The following KIAA1217 variants were observed in gnomAD, a reference collection of about 807,000 sequenced individuals.
KIAA1217 encodes the protein KIAA1217, also known as sickle tail protein homolog.
KIAA1217 carries 88 observed loss-of-function variants against 163.9 expected under a neutral mutation model. The ratio of observed to expected loss-of-function variants is 0.54; its 90% CI spans 0.45 to 0.64. The LOEUF is 0.64. KIAA1217 is among the 30% of genes least tolerant of loss of function. The pLI is 0.00. For missense variants in KIAA1217, 2,372 were observed against 2,475.0 expected (o/e 0.96, Z 0.88); for synonymous variants, 903 against 923.1 (o/e 0.98, Z 0.39).
At chr10:24,057,040 A>G (rs2060554636) in intron 2 of KIAA1217, among the ~76,000 whole-genome samples, 1 of 152,048 alleles carries the variant, frequency 6.6e-6, no homozygotes, top group African/African-American at 2.4e-5. Context: ...TAATCCTAAC[A>G]GAATACCAGC....
chr10:24,259,187 G>C (rs1340425602), intron 2 of KIAA1217, among the ~76,000 whole-genome samples: 1 of 151,976 alleles, frequency 6.6e-6, no homozygotes, highest in South Asian at 2.1e-4. Flanking sequence ...GTTTGTGAGC[G>C]TGTCTACTCA....
At chr10:24,291,385 C>T (rs921878750) in intron 2 of KIAA1217, among the ~76,000 whole-genome samples, 5 of 152,116 alleles carry the variant, frequency 3.3e-5, no homozygotes, top group Non-Finnish European at 4.4e-5. Flanking sequence ...AAAAAAGTAG[C>T]CAGGCATGGT....
chr10:23,878,761 A>G (rs1266830844), intron 1 of KIAA1217, among the ~76,000 whole-genome samples: 1 of 151,904 alleles, frequency 6.6e-6, no homozygotes, highest in Non-Finnish European at 1.5e-5. Context: ...TGGGGTTTGG[A>G]GTAGGACAGT....
intron 2 of KIAA1217, among the ~76,000 whole-genome samples, chr10:24,023,356 A>G (rs946353396): frequency 1.3e-4 from 19 of 151,682 alleles, no homozygotes; most frequent in African/African-American, 4.3e-4. Context: ...TATATAATAT[A>G]TATAACCTAT....
chr10:24,445,054 AG>A (rs1303360785), intron 5 of KIAA1217, among the ~76,000 whole-genome samples: 1 of 152,244 alleles, frequency 6.6e-6, no homozygotes, highest in Non-Finnish European at 1.5e-5. Flanking sequence ...TGTTCTAGAT[AG>A]AAGATAGCAA....
intron 2 of KIAA1217, among the ~76,000 whole-genome samples, chr10:24,107,949 A>C (rs1452084768): frequency 6.6e-6 from 1 of 152,192 alleles, no homozygotes; most frequent in African/African-American, 2.4e-5. Context: ...TGGTTTGATC[A>C]CATTACTCTG....
chr10:24,351,190 C>T (rs1419603156), intron 2 of KIAA1217, among the ~76,000 whole-genome samples: 3 of 152,140 alleles, frequency 2.0e-5, no homozygotes, highest in Non-Finnish European at 4.4e-5. Context: ...TCAAGTGATC[C>T]GCCCACCTCG....
At chr10:24,020,121 C>A (rs1847670158) in intron 2 of KIAA1217, among the ~76,000 whole-genome samples, 1 of 152,046 alleles carries the variant, frequency 6.6e-6, no homozygotes, top group Non-Finnish European at 1.5e-5. Flanking sequence ...CAGAAATCAA[C>A]CAAAGGCAAA....
chr10:24,356,533 A>C (rs1375138254), intron 2 of KIAA1217, among the ~76,000 whole-genome samples: 2 of 152,176 alleles, frequency 1.3e-5, no homozygotes, highest in Non-Finnish European at 2.9e-5. Flanking sequence ...TGTGTCCCCC[A>C]AAGTTCATGT....
At chr10:23,866,121 A>G (rs1840170564) in intron 1 of KIAA1217, among the ~76,000 whole-genome samples, 1 of 152,202 alleles carries the variant, frequency 6.6e-6, no homozygotes, top group African/African-American at 2.4e-5. Context: ...TAAAATAAAT[A>G]AAGTAACCTC....
intron 1 of KIAA1217, among the ~76,000 whole-genome samples, chr10:23,875,786 C>A (rs1265660955): frequency 6.6e-6 from 1 of 152,010 alleles, no homozygotes; most frequent in Non-Finnish European, 1.5e-5. Context: ...ATGATGAGTT[C>A]ATGTCCTCTG....
intron 5 of KIAA1217, among the ~76,000 whole-genome samples, chr10:24,451,064 A>G (rs545086201): frequency 1.3e-5 from 2 of 152,334 alleles, no homozygotes; most frequent in African/African-American, 4.8e-5. Context: ...CAACTTACTC[A>G]GAGCATAATG....
At chr10:24,302,364 C>T (rs1035367745) in intron 2 of KIAA1217, among the ~76,000 whole-genome samples, 4 of 152,164 alleles carry the variant, frequency 2.6e-5, no homozygotes, top group Non-Finnish European at 5.9e-5. Context: ...AATGCACATT[C>T]TTCTTGATCA....
chr10:24,386,884 G>T (rs559199106), intron 3 of KIAA1217, among the ~76,000 whole-genome samples: 69 of 152,240 alleles, frequency 4.5e-4, no homozygotes, highest in Admixed American at 2.4e-3. Context: ...TGGCCCAAAA[G>T]ATAAAAGAAT....
chr10:23,928,851 G>A (rs928403927), intron 1 of KIAA1217, among the ~76,000 whole-genome samples: 20 of 152,194 alleles, frequency 1.3e-4, no homozygotes, highest in African/African-American at 4.1e-4. Context: ...AAAAGGGCAA[G>A]GTGATAGCCA....
chr10:23,709,548 AT>A (rs1343104870), intron 1 of KIAA1217, among the ~76,000 whole-genome samples: 1 of 151,956 alleles, frequency 6.6e-6, no homozygotes, highest in Non-Finnish European at 1.5e-5. Flanking sequence ...AAAAAAAAAA[AT>A]AAAGAAATAG....
At chr10:24,415,539 A>G (rs192662800) in intron 3 of KIAA1217, among the ~76,000 whole-genome samples, 2 of 152,236 alleles carry the variant, frequency 1.3e-5, no homozygotes, top group Admixed American at 6.5e-5. Context: ...CAAACATTAG[A>G]TAAGCCTTAC....
At chr10:24,494,900 C>G (rs1277803952) in intron 7 of KIAA1217, 1 of 579,532 alleles carries the variant, frequency 1.7e-6, no homozygotes, top group East Asian at 2.9e-5. Context: ...AACCACCACC[C>G]TTGCGTGTCC....
chr10:24,010,848 G>C (rs1478542850), intron 2 of KIAA1217, among the ~76,000 whole-genome samples: 1 of 152,096 alleles, frequency 6.6e-6, no homozygotes, highest in African/African-American at 2.4e-5. Context: ...CTCCGGGATG[G>C]GGGTTCCAGC....
Sources: allele counts gnomAD v4.1 joint callset (sites outside exome capture counted in the v4.1 genomes callset), GRCh38; gene constraint gnomAD v4.1.1; transcripts MANE v1.5; gene names NCBI Gene and HGNC (gene_info 2026-07-23, HGNC 2026-07-21).